Variants in GAPVD1 observed in about 807,000 individuals in gnomAD.
The protein encoded by GAPVD1 is GTPase activating protein and VPS9 domains 1.
Under a neutral mutation model 155.5 loss-of-function variants are expected in GAPVD1, and 35 were observed. The ratio of observed to expected loss-of-function variants is 0.23; its 90% CI spans 0.17 to 0.30. The LOEUF (loss-of-function observed/expected upper bound fraction) is 0.30, where lower values mean the gene tolerates loss of function less well. GAPVD1 is among the 10% of genes least tolerant of loss of function. GAPVD1 has a pLI of 1.00. For missense variants in GAPVD1, 1,429 were observed against 1,775.7 expected (o/e 0.80, Z 3.51); for synonymous variants, 636 against 619.7 (o/e 1.03, Z -0.39).
In GAPVD1 at chr9:125,307,727, C is replaced by G; in HGVS notation, c.1288C>G (p.Leu430Val). The G allele has an allele frequency of 3.1e-6, 5 of 1,613,968 alleles. 1 individual carries two copies. The African/African-American group carries it at 4.0e-5, about 13-fold the overall frequency. The stretch of plus-strand genomic sequence containing the variant: ...GAAGAGTGTGATGTCTGGAGATCAA[C>G]TGAGAGAAGATAGAATGGCTCTTGA... ...FMKSVMSGDQ[L>V]REDRMALDNL... The change falls in exon 8 of 28, where the codon CTG (leucine) becomes GTG (valine). Residue 430 changes from leucine to valine, a missense_variant. This residue lies in a region of GAPVD1 where 628 missense variants were observed against 733.4 expected (regional missense o/e 0.86). Coordinates refer to ENST00000297933, the MANE Select transcript of GAPVD1 (RefSeq NM_001282680.3).
chr9:125,280,378 A>G (rs1361156005), intron 2 of GAPVD1, among the ~76,000 whole-genome samples: 1 of 144,742 alleles, frequency 6.9e-6, no homozygotes. Context: ...CTTGGGCAAC[A>G]AGAGCAAAAG....
intron 15 of GAPVD1, among the ~76,000 whole-genome samples, chr9:125,335,617 C>T (rs1846803507): frequency 6.6e-6 from 1 of 152,128 alleles, no homozygotes; most frequent in South Asian, 2.1e-4. Flanking sequence ...GTGGAGGTTG[C>T]AGTGAGCTGA....
chr9:125,335,195 AAAC>A (rs767867612), intron 15 of GAPVD1: 285 of 772,244 alleles, frequency 3.7e-4, no homozygotes, highest in Middle Eastern at 4.7e-4. Flanking sequence ...ACTTCAGCCA[AAAC>A]AACATTTTCA....
intron 23 of GAPVD1, among the ~76,000 whole-genome samples, chr9:125,353,054 C>CT (rs1849541412): frequency 6.6e-6 from 1 of 151,730 alleles, no homozygotes; most frequent in South Asian, 2.1e-4. Flanking sequence ...TTACAGTGAG[C>CT]TGAGATCACG....
At chr9:125,336,983 C>T (rs748645784) in intron 15 of GAPVD1, 35 bp from the exon 16 acceptor site, 50 of 1,242,926 alleles carry the variant, frequency 4.0e-5, no homozygotes, top group Non-Finnish European at 5.7e-5. Flanking sequence ...TGTCCTGCGT[C>T]CTGGCTTGGT....
chr9:125,321,472 GTC>G lies in GAPVD1; in HGVS notation c.1643_1644del (p.Val548AlafsTer3). ...GCTTTCGGATGGAGGACAAGGAGAT[GTC>G]CCTGTTGATGAAAACAAACTCCATG... ...MQLSDGGQGD[V>X]PVDENKLHGK... On this transcript the variant is annotated frameshift_variant, in exon 10 of 28. Coordinates refer to ENST00000297933, the MANE Select transcript of GAPVD1 (RefSeq NM_001282680.3). LOFTEE classifies it high-confidence loss of function. 6.2e-7 allele frequency: 1 copy of G among 1,611,006 alleles called. No homozygotes were observed. Among genetic ancestry groups the G allele is most frequent in the Non-Finnish European group, 8.5e-7 (1 of 1,177,194 alleles).
intron 2 of GAPVD1, among the ~76,000 whole-genome samples, chr9:125,276,494 G>A (rs970537475): frequency 6.6e-6 from 1 of 152,140 alleles, no homozygotes; most frequent in African/African-American, 2.4e-5. Context: ...TTTGAGACCA[G>A]CCTGAGCAAC....
intron 1 of GAPVD1, among the ~76,000 whole-genome samples, chr9:125,264,764 G>C (rs1833558792): frequency 6.6e-6 from 1 of 151,516 alleles, no homozygotes; most frequent in Non-Finnish European, 1.5e-5. Flanking sequence ...TGTCGCCCAG[G>C]CTGGAGTGCA....
chr9:125,342,913 G>A (rs1449095584), intron 19 of GAPVD1, among the ~76,000 whole-genome samples: 1 of 152,092 alleles, frequency 6.6e-6, no homozygotes, highest in South Asian at 2.1e-4. Flanking sequence ...ATACAGCTGG[G>A]GGTTGGGTTT....
In GAPVD1 at chr9:125,293,876, A is replaced by ATTATATATTATATATAT. The variant is rs1364333572; in HGVS notation, c.-149-1581_-149-1580insTATATATTATATATATT. Among the ~76,000 whole-genome samples the ATTATATATTATATATAT allele has an allele frequency of 6.0e-3, 110 of 18,200 alleles. 11 individuals are homozygous for ATTATATATTATATATAT. Among genetic ancestry groups the ATTATATATTATATATAT allele is most frequent in the Admixed American group, 0.042 (59 of 1,410 alleles). 11.9% of individuals were successfully genotyped at this position (18,200 alleles called of 152,430 possible). On this transcript the variant is annotated intron_variant, in intron 2 of 27. Transcript: ENST00000297933. ...TTTATATATATATATATATATATAT[A>ATTATATATTATATATAT]TATATATATATATATATATATATAT...
rs767295982 is a variant in GAPVD1 at position 125,361,025 on chromosome 9, C to T, written c.4242+300C>T. On this transcript the variant is annotated intron_variant, in intron 27 of 27. Coordinates refer to ENST00000297933, the MANE Select transcript of GAPVD1 (RefSeq NM_001282680.3). ...TACAGGCGTGCGTCACCATGCCCAG[C>T]GAATTTTTTTTCATTTTTGCTAGAG... Among the ~76,000 whole-genome samples the T allele has an allele frequency of 2.6e-5, 4 of 152,080 alleles. No individual in the cohort carries two copies. In the East Asian group the frequency reaches 7.7e-4, roughly 29 times the overall value.
chr9:125,314,825 T>TC (rs1420175979), intron 9 of GAPVD1, among the ~76,000 whole-genome samples: 7 of 148,510 alleles, frequency 4.7e-5, no homozygotes, highest in Non-Finnish European at 1.0e-4. Flanking sequence ...TCTCACTCTG[T>TC]CACCCAGGCT....
chr9:125,340,453 TA>T (rs1392350051), intron 17 of GAPVD1, among the ~76,000 whole-genome samples: 3 of 151,860 alleles, frequency 2.0e-5, no homozygotes, highest in Non-Finnish European at 4.4e-5. Flanking sequence ...GAGGGGGAGG[TA>T]ACCTTTCTTT....
At chr9:125,334,476 C>T (rs1166468284) in intron 15 of GAPVD1, among the ~76,000 whole-genome samples, 1 of 152,144 alleles carries the variant, frequency 6.6e-6, no homozygotes, top group Non-Finnish European at 1.5e-5. Flanking sequence ...GAGTTGTTAG[C>T]TGAACTAGCC....
At chr9:125,341,144 A>G (rs372726565) in intron 17 of GAPVD1, 33 bp from the exon 18 acceptor site, 32 of 1,038,078 alleles carry the variant, frequency 3.1e-5, no homozygotes, top group Non-Finnish European at 4.6e-5. Context: ...CCTGCTATCC[A>G]ACTCCAAATA....
At position 125,302,218 on chromosome 9, in the gene GAPVD1, A is replaced by G. The variant is rs149731370; in HGVS notation, c.421A>G (p.Ile141Val). 2.5e-6 allele frequency: 4 copies of G among 1,613,944 alleles called. No individual in the cohort carries two copies. Among genetic ancestry groups the G allele is most frequent in the East Asian group, 2.2e-5 (1 of 44,876 alleles). The change falls in exon 5 of 28, where the codon ATC (isoleucine) becomes GTC (valine). Residue 141 changes from isoleucine to valine, a missense_variant. Physicochemically the swap from Ile to Val is conservative, Grantham distance 29 (BLOSUM62 3). Transcript: ENST00000297933. ...TTTTACCTCCCTGTATGGCAATTGC[A>G]TCATGCAAGAAGATGAAAGCTACCT... Reference protein sequence around the residue: ...TVFTSLYGNCIMQEDESYLLQ... With the variant: ...TVFTSLYGNCVMQEDESYLLQ...
At chr9:125,321,614 T>A in intron 10 of GAPVD1, 52 bp downstream of exon 10, 2 of 1,544,658 alleles carry the variant, frequency 1.3e-6, no homozygotes, top group South Asian at 2.3e-5. Context: ...ATAGTTTGTT[T>A]TGTGTTTTTT....
chr9:125,321,343 A>T, intron 9 of GAPVD1, 90 bp from the exon 10 acceptor site: 2 of 851,684 alleles, frequency 2.3e-6, no homozygotes, highest in Middle Eastern at 2.3e-4. Context: ...ATAATTTAAG[A>T]TTAAGGAGTT....
At chr9:125,344,263 T>G (rs1848228375) in intron 19 of GAPVD1, among the ~76,000 whole-genome samples, 1 of 152,356 alleles carries the variant, frequency 6.6e-6, no homozygotes, top group Admixed American at 6.5e-5. Flanking sequence ...TTTCCATATT[T>G]GTACGTGGCT....
Sources: gnomAD v4.1 joint callset for allele counts (sites outside exome capture counted in the v4.1 genomes callset) on GRCh38, gnomAD v4.1.1 for gene constraint, gnomAD v4.1.1 regional missense constraint, MANE v1.5 for transcripts, NCBI Gene and HGNC (gene_info 2026-07-23, HGNC 2026-07-21) for gene names.